The following PTPRD variants were observed in gnomAD, a reference collection of about 807,000 sequenced individuals.
PTPRD encodes protein tyrosine phosphatase receptor type D.
PTPRD carries 34 observed loss-of-function variants against 214.5 expected under a neutral mutation model. The observed-to-expected ratio is 0.16, with a 90% confidence interval of 0.12 to 0.21. PTPRD has a LOEUF of 0.21. PTPRD is among the 10% of genes least tolerant of loss of function. The probability of loss-of-function intolerance (pLI) is 1.00; values close to 1 mark genes in which losing one functional copy is unlikely to be tolerated. For missense variants in PTPRD, 2,545 were observed against 2,398.7 expected (o/e 1.06, Z -1.27); for synonymous variants, 1,128 against 845.7 (o/e 1.33, Z -5.79).
intron 11 of PTPRD, among the ~76,000 whole-genome samples, chr9:8,828,327 G>A (rs553679053): frequency 6.6e-6 from 1 of 152,196 alleles, no homozygotes; most frequent in Non-Finnish European, 1.5e-5. Context: ...CATGAGGGTG[G>A]ATCCCTTGTG....
chr9:9,899,442 TA>T (rs981659299), intron 5 of PTPRD, among the ~76,000 whole-genome samples: 2 of 151,936 alleles, frequency 1.3e-5, no homozygotes, highest in African/African-American at 2.4e-5. Flanking sequence ...GCTAAGTATA[TA>T]AAAAAAGTTC....
intron 9 of PTPRD, among the ~76,000 whole-genome samples, chr9:9,247,082 A>G (rs995157531): frequency 8.6e-5 from 13 of 152,010 alleles, no homozygotes; most frequent in Admixed American, 7.2e-4. Flanking sequence ...GCAAACCGTA[A>G]AGTCTAAAAA....
chr9:8,873,937 A>C (rs1040617294), intron 11 of PTPRD, among the ~76,000 whole-genome samples: 9 of 152,198 alleles, frequency 5.9e-5, no homozygotes, highest in African/African-American at 2.2e-4. Flanking sequence ...ATGTGTGTGC[A>C]CCTGGTCATT....
At chr9:8,998,793 C>A (rs1328744386) in intron 11 of PTPRD, among the ~76,000 whole-genome samples, 1 of 151,438 alleles carries the variant, frequency 6.6e-6, no homozygotes, top group Non-Finnish European at 1.5e-5. Context: ...ATTTGGGATT[C>A]ATGGGTTAAG....
At chr9:10,201,498 G>A (rs1399321132) in intron 3 of PTPRD, among the ~76,000 whole-genome samples, 1 of 152,014 alleles carries the variant, frequency 6.6e-6, no homozygotes, top group Non-Finnish European at 1.5e-5. Context: ...AAAGTGTAAT[G>A]TGCTATGTAT....
At chr9:8,691,646 C>T (rs975499706) in intron 12 of PTPRD, among the ~76,000 whole-genome samples, 1 of 152,088 alleles carries the variant, frequency 6.6e-6, no homozygotes, top group Non-Finnish European at 1.5e-5. Context: ...TCTGAATTAT[C>T]CTTTGAGGTT....
At chr9:10,088,660 T>A (rs995358093) in intron 3 of PTPRD, among the ~76,000 whole-genome samples, 1 of 151,814 alleles carries the variant, frequency 6.6e-6, no homozygotes, top group African/African-American at 2.4e-5. Flanking sequence ...TACTGACGTT[T>A]AGCAAAACTA....
chr9:9,014,185 T>C (rs936745520), intron 11 of PTPRD, among the ~76,000 whole-genome samples: 1 of 143,016 alleles, frequency 7.0e-6, no homozygotes, highest in African/African-American at 2.6e-5. Flanking sequence ...TCGTTTTTTT[T>C]TGTTTGTTTG....
chr9:10,144,662 A>G (rs1160727443), intron 3 of PTPRD, among the ~76,000 whole-genome samples: 1 of 152,102 alleles, frequency 6.6e-6, no homozygotes, highest in Non-Finnish European at 1.5e-5. Context: ...TCTCCACTGG[A>G]GAGGAAGAAT....
intron 10 of PTPRD, among the ~76,000 whole-genome samples, chr9:9,025,713 C>T (rs760836325): frequency 6.6e-6 from 1 of 151,822 alleles, no homozygotes; most frequent in Non-Finnish European, 1.5e-5. Context: ...GCTTTGAGGA[C>T]ATATTAATAG....
At chr9:9,801,798 T>A (rs2099041996) in intron 5 of PTPRD, among the ~76,000 whole-genome samples, 2 of 152,080 alleles carry the variant, frequency 1.3e-5, no homozygotes, top group Non-Finnish European at 2.9e-5. Flanking sequence ...ACAAGGCCAC[T>A]GCAAGTTCTT....
At chr9:8,966,794 G>T (rs2099198164) in intron 11 of PTPRD, among the ~76,000 whole-genome samples, 1 of 151,900 alleles carries the variant, frequency 6.6e-6, no homozygotes, top group South Asian at 2.1e-4. Context: ...CACAGCAAAA[G>T]AAACTATCAA....
Position 8,343,185 on chromosome 9 carries a change from T to C in PTPRD, c.4662-1207A>G, listed in dbSNP as rs1854181117. Among the ~76,000 whole-genome samples the C allele has an allele frequency of 1.3e-5, 2 of 152,050 alleles. 1 individual carries two copies. Among genetic ancestry groups the C allele is most frequent in the South Asian group, 4.1e-4 (2 of 4,830 alleles). Reference sequence around the variant, plus strand: ...AAACAAAATAATACCTTTATTTAACTGCTGAACAGTGTATATCAAAGCTAG... The same window carrying C: ...AAACAAAATAATACCTTTATTTAACCGCTGAACAGTGTATATCAAAGCTAG... On this transcript the variant is annotated intron_variant, in intron 39 of 45. Coordinates refer to ENST00000381196, the MANE Select transcript of PTPRD (RefSeq NM_002839.4).
rs373501612 is a variant in PTPRD at position 10,337,557 on chromosome 9, A to G, written c.-545+3406T>C. Reference sequence around the variant, plus strand: ...ACTTTAATACAAAACAATATTTTGTATATTCACTCATGCATTTTTTTCCTT... The same window carrying G: ...ACTTTAATACAAAACAATATTTTGTGTATTCACTCATGCATTTTTTTCCTT... On this transcript the variant is annotated intron_variant, in intron 3 of 45. Transcript: ENST00000381196. Among the ~76,000 whole-genome samples the G allele has an allele frequency of 7.6e-4, 115 of 151,896 alleles. 2 individuals are homozygous for G. In the South Asian group the frequency reaches 0.021, roughly 28 times the overall value.
intron 12 of PTPRD, among the ~76,000 whole-genome samples, chr9:8,643,542 C>T (rs1416651874): frequency 6.6e-6 from 1 of 152,192 alleles, no homozygotes; most frequent in Non-Finnish European, 1.5e-5. Flanking sequence ...AGATGGGCTG[C>T]CTCAGGGACG....
At chr9:9,784,763 A>ATG (rs141712829) in intron 5 of PTPRD, among the ~76,000 whole-genome samples, 5 of 151,374 alleles carry the variant, frequency 3.3e-5, no homozygotes, top group African/African-American at 4.8e-5. Context: ...TTAAAATTTT[A>ATG]TGTGTGTGTG....
At chr9:10,553,161 G>C (rs1312956720) in intron 2 of PTPRD, among the ~76,000 whole-genome samples, 1 of 152,128 alleles carries the variant, frequency 6.6e-6, no homozygotes, top group Admixed American at 6.5e-5. Context: ...CTAAGGAGGA[G>C]AGAATGTAGT....
intron 11 of PTPRD, among the ~76,000 whole-genome samples, chr9:8,866,386 G>A (rs934002082): frequency 6.6e-6 from 1 of 151,964 alleles, no homozygotes; most frequent in Admixed American, 6.6e-5. Flanking sequence ...ACTGTTCTCT[G>A]GACTAATACA....
At chr9:9,185,049 G>A (rs1029132874) in intron 9 of PTPRD, among the ~76,000 whole-genome samples, 8 of 151,962 alleles carry the variant, frequency 5.3e-5, no homozygotes, top group African/African-American at 1.9e-4. Flanking sequence ...TAGGTAAGAC[G>A]CTGAGAGCAT....
Sources: gnomAD v4.1 joint callset for allele counts (sites outside exome capture counted in the v4.1 genomes callset) on GRCh38, gnomAD v4.1.1 for gene constraint, MANE v1.5 for transcripts, NCBI Gene and HGNC (gene_info 2026-07-23, HGNC 2026-07-21) for gene names.